The following KIF17 variants were observed in gnomAD, a reference collection of about 807,000 sequenced individuals.
KIF17 encodes the protein kinesin family member 17.
Under a neutral mutation model 96.8 loss-of-function variants are expected in KIF17, and 80 were observed. That is an observed-to-expected ratio of 0.83 (90% CI 0.69 to 1.00). The LOEUF is 1.00. Among genes scored for constraint, KIF17 ranks in the 50% least tolerant of loss-of-function variants. The pLI, the probability that KIF17 is intolerant of heterozygous loss-of-function variation, is 0.00. For synonymous variants in KIF17, 567 were observed against 587.5 expected (o/e 0.97, Z 0.51); for missense variants, 1,280 against 1,372.9 (o/e 0.93, Z 1.07).
At chr1:20,689,619 C>G (rs892848363) in intron 7 of KIF17, among the ~76,000 whole-genome samples, 1 of 151,858 alleles carries the variant, frequency 6.6e-6, no homozygotes, top group African/African-American at 2.4e-5. Context: ...CCACTGCACT[C>G]CAGCCTGGGC....
chr1:20,670,295 C>T lies in KIF17; in HGVS notation c.2790+126G>A. On this transcript the variant is annotated intron_variant, in intron 13 of 14. Transcript: ENST00000400463. ...GGCATGAAAAGGATCCAGCCTTGGC[C>T]CCTTCTTTAATCCTTAGGCGGGAGG... The T allele has an allele frequency of 3.3e-6, 3 of 919,202 alleles. No homozygotes were observed. The South Asian group carries it at 4.1e-5, about 12-fold the overall frequency. The allele number at this position is 919,202 out of a possible 1,614,324, so 56.9% of individuals were successfully genotyped here.
At chr1:20,703,180 T>TGGATGGATGGAC (rs1553151992) in intron 5 of KIF17, among the ~76,000 whole-genome samples, 2 of 149,872 alleles carry the variant, frequency 1.3e-5, no homozygotes, top group African/African-American at 2.4e-5. Flanking sequence ...GATGGATGAA[T>TGGATGGATGGAC]GGATGGACGG....
chr1:20,704,928 G>A lies in KIF17; in HGVS notation c.671-29C>T, dbSNP rs189908486. On this transcript the variant is annotated intron_variant, in intron 4 of 14. Coordinates refer to ENST00000400463, the MANE Select transcript of KIF17 (RefSeq NM_001122819.3). This position sits in a 1 kb window ranked among gnomAD's most constrained non-coding sequence, Gnocchi z 6.8. Reference sequence around the variant, plus strand: ...CACACAGACCAGGCAAAGTGGCGAGGGCCTCGGGTGAGCCCTATGTATCGA... The same window carrying A: ...CACACAGACCAGGCAAAGTGGCGAGAGCCTCGGGTGAGCCCTATGTATCGA... 831 of 1,586,524 alleles carry A rather than the reference G, an allele frequency of 5.2e-4. 4 individuals are homozygous for A. The African/African-American group carries it at 8.0e-3, about 15-fold the overall frequency.
chr1:20,665,548 C>T (rs533169955), intron 14 of KIF17, among the ~76,000 whole-genome samples: 2 of 151,968 alleles, frequency 1.3e-5, no homozygotes, highest in South Asian at 2.1e-4. Context: ...TACAGGCACA[C>T]GCCACTACCG....
rs755892107 is a variant in KIF17, at chr1:20,717,682, C to T, written c.25G>A (p.Val9Ile). The T allele has an allele frequency of 1.3e-6, 2 of 1,599,180 alleles. No individual in the cohort carries two copies. Among genetic ancestry groups the T allele is most frequent in the Non-Finnish European group, 8.5e-7 (1 of 1,177,860 alleles). Residue 9 changes from valine to isoleucine, a missense_variant, in exon 1 of 15, where the codon GTC becomes ATC. Val to Ile is a conservative substitution (Grantham distance 29). Coordinates refer to ENST00000400463, the MANE Select transcript of KIF17 (RefSeq NM_001122819.3). ...TGGTTCATGGGACGGCAGCGCACGACAACCTTCACCGCCTCGGAGGCCATG... is the reference window on the plus strand; with the variant it reads ...TGGTTCATGGGACGGCAGCGCACGATAACCTTCACCGCCTCGGAGGCCATG... MASEAVKV[V>I]VRCRPMNQRE...
In KIF17 at chr1:20,700,775, A is replaced by G. The variant is rs34934869; in HGVS notation, c.1124-2287T>C. Among the ~76,000 whole-genome samples, 10,235 of 152,126 alleles carry G rather than the reference A, an allele frequency of 0.067. 561 individuals are homozygous for G. Among genetic ancestry groups the G allele is most frequent in the African/African-American group, 0.15 (6,240 of 41,458 alleles). On this transcript the variant is annotated intron_variant, in intron 5 of 14. Coordinates refer to ENST00000400463, the MANE Select transcript of KIF17 (RefSeq NM_001122819.3). The surrounding 1 kb of genome is among the most constrained non-coding windows in gnomAD (Gnocchi z 4.6). ...CATCTTTGGTATATAAACCAGCCGA[A>G]CCCGAGTCCACACCCCAAGCCACCT...
At chr1:20,670,509 C>G in intron 12 of KIF17, 21 bp from the exon 13 acceptor site, 2 of 1,612,998 alleles carry the variant, frequency 1.2e-6, no homozygotes, top group South Asian at 2.2e-5. Flanking sequence ...AAAACAAAAG[C>G]TGAAGTCACT....
intron 5 of KIF17, among the ~76,000 whole-genome samples, 193 bp from the exon 6 acceptor site, chr1:20,698,681 G>A (rs1243815161): frequency 6.6e-6 from 1 of 152,204 alleles, no homozygotes; most frequent in African/African-American, 2.4e-5. Context: ...CGATGTTCCA[G>A]ACTCTGAGGA....
chr1:20,708,034 G>A (rs889321654), intron 4 of KIF17, among the ~76,000 whole-genome samples: 2 of 151,772 alleles, frequency 1.3e-5, no homozygotes, highest in African/African-American at 4.8e-5. Context: ...ATTTTATAAG[G>A]TGAATGTGCA....
rs2054613735 is a variant in KIF17 at position 20,717,880 on chromosome 1, T to C, written c.-174A>G. ...CTCGGGGGGCGCCCCGGAGGGGAGC[T>C]GGGCGTCGCAGGACCCGAGCCGGGG... On this transcript the variant is annotated 5_prime_UTR_variant, in exon 1 of 15. Transcript: ENST00000400463. 1 of 369,740 alleles carries C rather than the reference T, an allele frequency of 2.7e-6. No individual in the cohort carries two copies. Among genetic ancestry groups the C allele is most frequent in the Non-Finnish European group, 4.1e-6 (1 of 246,902 alleles). The allele number at this position is 369,740 out of a possible 1,614,324, so 22.9% of individuals were successfully genotyped here.
chr1:20,714,809 A>C (rs994135079), intron 2 of KIF17, among the ~76,000 whole-genome samples: 4 of 151,736 alleles, frequency 2.6e-5, no homozygotes, highest in Non-Finnish European at 4.4e-5. Context: ...AAAAAAAAAA[A>C]AAAAAACACC....
chr1:20,685,060 GC>G lies in KIF17; in HGVS notation c.2020-41del. The G allele has an allele frequency of 1.3e-6, 2 of 1,508,204 alleles. No homozygotes were observed. The highest frequency in any genetic ancestry group is 1.8e-6 in the Non-Finnish European group (2 of 1,106,570). 93.4% of individuals were successfully genotyped at this position (1,508,204 alleles called of 1,614,324 possible). On this transcript the variant is annotated intron_variant, in intron 9 of 14. Transcript: ENST00000400463. The surrounding 1 kb of genome is among the most constrained non-coding windows in gnomAD (Gnocchi z 4.1). ...AAACCCAGGTGGAGGTGGGAAGGCC[GC>G]CCCAACCCCCGCCGACAGCTCCCAG...
chr1:20,711,760 G>A (rs530564627), intron 3 of KIF17, among the ~76,000 whole-genome samples: 1 of 152,248 alleles, frequency 6.6e-6, no homozygotes, highest in East Asian at 1.9e-4. Flanking sequence ...TTACAACCAC[G>A]ATCGGGCCTG....
chr1:20,709,778 G>T lies in KIF17; in HGVS notation c.531C>A (p.His177Gln), dbSNP rs958533619. 1.2e-6 allele frequency: 2 copies of T among 1,614,094 alleles called. No homozygotes were observed. Among genetic ancestry groups the T allele is most frequent in the Admixed American group, 3.3e-5 (2 of 60,022 alleles). Residue 177 changes from histidine to glutamine, a missense_variant, in exon 4 of 15, where the codon CAC (histidine) becomes CAA (glutamine). Coordinates refer to ENST00000400463, the MANE Select transcript of KIF17 (RefSeq NM_001122819.3). The surrounding 1 kb of genome is among the most constrained non-coding windows in gnomAD (Gnocchi z 4.7). ...KGVYVKGLSM[H>Q]TVHSVAQCEH... ...CACACTGGGCCACGCTGTGCACCGTGTGCATGGACAGCCCCTTCACGTACA... is the reference window on the plus strand; with the variant it reads ...CACACTGGGCCACGCTGTGCACCGTTTGCATGGACAGCCCCTTCACGTACA...
Position 20,704,712 on chromosome 1 carries a change from G to T in KIF17, c.858C>A (p.Pro286=). Reference sequence around the variant, plus strand: ...GCCGCGTCAGCTTCGAGTCACGGTAGGGGACGTGCTTACAGCGCCCGTCCA... The same window carrying T: ...GCCGCGTCAGCTTCGAGTCACGGTATGGGACGTGCTTACAGCGCCCGTCCA... ...ALVDGRCKHV[P]YRDSKLTRLL... Residue 286 remains proline (P), a synonymous_variant, in exon 5 of 15, where the codon CCC becomes CCA. Transcript: ENST00000400463. The surrounding 1 kb of genome is among the most constrained non-coding windows in gnomAD (Gnocchi z 6.8). The T allele has an allele frequency of 6.2e-7, 1 of 1,613,830 alleles. No homozygotes were observed. Among genetic ancestry groups the T allele is most frequent in the Non-Finnish European group, 8.5e-7 (1 of 1,179,874 alleles).
At position 20,711,650 on chromosome 1, in the gene KIF17, G is replaced by T. The variant is rs563574998; in HGVS notation, c.480+1804C>A. ...GCCTCACCAGATCAGGCAGTTCAGG[G>T]CTGGGTTCTGTGATGGTAGTTTACA... On this transcript the variant is annotated intron_variant, in intron 3 of 14. Transcript: ENST00000400463. Among the ~76,000 whole-genome samples the T allele has an allele frequency of 2.0e-5, 3 of 152,300 alleles. No homozygotes were observed. The South Asian group carries it at 6.2e-4, about 32-fold the overall frequency.
At chr1:20,702,176 C>T (rs897425448) in intron 5 of KIF17, among the ~76,000 whole-genome samples, 3 of 152,206 alleles carry the variant, frequency 2.0e-5, no homozygotes, top group Non-Finnish European at 1.5e-5. Context: ...GTCCCCTTTA[C>T]AGATGAAGAG....
chr1:20,712,317 G>A (rs1361307514), intron 3 of KIF17, among the ~76,000 whole-genome samples: 1 of 151,690 alleles, frequency 6.6e-6, no homozygotes, highest in Non-Finnish European at 1.5e-5. Context: ...TTCCCTGTCT[G>A]GGGGCTGAGC....
chr1:20,664,843 A>G, intron 14 of KIF17, 81 bp from the exon 15 acceptor site: 1 of 1,319,262 alleles, frequency 7.6e-7, no homozygotes, highest in Non-Finnish European at 1.1e-6. Context: ...TAGGATGGAG[A>G]GCCTGGCCCA....
Sources: gnomAD v4.1 joint callset for allele counts (sites outside exome capture counted in the v4.1 genomes callset) on GRCh38, gnomAD v4.1.1 for gene constraint, Gnocchi (gnomAD v3.1) non-coding constraint, MANE v1.5 for transcripts, NCBI Gene and HGNC (gene_info 2026-07-23, HGNC 2026-07-21) for gene names.